HSF2BP: variants seen among roughly 807,000 people sequenced by gnomAD.
HSF2BP encodes heat shock factor 2-binding protein.
HSF2BP carries 35 observed loss-of-function variants against 35.0 expected under a neutral mutation model. The observed-to-expected ratio is 1.00, with a 90% CI of 0.76 to 1.32. The LOEUF is 1.32. HSF2BP is among the 40% of genes most tolerant of loss of function. HSF2BP has a pLI of 0.00. For missense variants in HSF2BP, 326 were observed against 321.7 expected, an observed-to-expected ratio of 1.01 and a Z score of -0.10; for synonymous variants, 114 against 117.4, an observed-to-expected ratio of 0.97 and a Z score of 0.18.
chr21:43,616,342 C>A (rs1339221132), intron 6 of HSF2BP, among the ~76,000 whole-genome samples: 1 of 152,184 alleles, frequency 6.6e-6, no homozygotes, highest in East Asian at 1.9e-4. Context: ...GAAGAGACCA[C>A]ACAGAAATAG....
chr21:43,573,603 G>A (rs1193633550), intron 8 of HSF2BP, among the ~76,000 whole-genome samples: 2 of 152,204 alleles, frequency 1.3e-5, no homozygotes, highest in Non-Finnish European at 2.9e-5. Flanking sequence ...TGCTTCCCCA[G>A]CTCTGGGTCA....
chr21:43,605,137 C>A (rs2082116546), intron 7 of HSF2BP, among the ~76,000 whole-genome samples: 1 of 151,070 alleles, frequency 6.6e-6, no homozygotes, highest in South Asian at 2.1e-4. Context: ...AGATACCACA[C>A]ACACATCAGA....
chr21:43,609,467 A>G (rs2082176184), intron 7 of HSF2BP, among the ~76,000 whole-genome samples: 1 of 150,828 alleles, frequency 6.6e-6, no homozygotes, highest in South Asian at 2.1e-4. Flanking sequence ...ATGGGCAACT[A>G]GGAAAAAAAT....
intron 8 of HSF2BP, among the ~76,000 whole-genome samples, chr21:43,572,632 C>T (rs75239543): frequency 0.029 from 4,481 of 152,330 alleles, 240 homozygotes; most frequent in African/African-American, 0.1. Context: ...ACTCAGGTGT[C>T]CGAGAGGACA....
chr21:43,633,279 A>G lies in HSF2BP; in HGVS notation c.434T>C (p.Leu145Ser). The G allele has an allele frequency of 6.2e-7, 1 of 1,612,028 alleles. No homozygotes were observed. The highest frequency in any genetic ancestry group is 8.5e-7 in the Non-Finnish European group (1 of 1,179,446). ...SSSEEVVKAI[L>S]GGDKALKFFS... is the part of the protein sequence containing the mutation. ...CCCACTGACCATACTTACTCCTCCC[A>G]AAATGGCCTTGACGACTTCCTCACT... Residue 145 changes from leucine (L) to serine (S), a missense_variant, in exon 5 of 9, where the codon TTG becomes TCG. Transcript: ENST00000291560.
chr21:43,592,146 T>C (rs1385528203), intron 8 of HSF2BP, 79 bp downstream of exon 8: 2 of 891,642 alleles, frequency 2.2e-6, no homozygotes, highest in Non-Finnish European at 3.7e-6. Context: ...CTAGGAAACT[T>C]GGAACGTATG....
chr21:43,612,611 A>C (rs2146915048), intron 7 of HSF2BP, among the ~76,000 whole-genome samples: 1 of 140,690 alleles, frequency 7.1e-6, no homozygotes, highest in East Asian at 2.1e-4. Flanking sequence ...AGATCACGCC[A>C]CTGCACTCCA....
In HSF2BP at chr21:43,658,317, T is replaced by C. The variant is rs1283256798; in HGVS notation, c.-221A>G. 8.5e-5 allele frequency: 48 copies of C among 561,528 alleles called. 1 individual carries two copies. The East Asian group carries it at 1.5e-3, about 18-fold the overall frequency. 34.8% of individuals were successfully genotyped at this position (561,528 alleles called of 1,614,324 possible). ...TGGCTTAGCCGGGGTTTTAAACTTGTTATCTGCAAAGCAGAAGGAAAGTCA... is the reference window on the plus strand; with the variant it reads ...TGGCTTAGCCGGGGTTTTAAACTTGCTATCTGCAAAGCAGAAGGAAAGTCA... On this transcript the variant is annotated 5_prime_UTR_variant, in exon 2 of 9. Coordinates refer to ENST00000291560, the MANE Select transcript of HSF2BP (RefSeq NM_007031.2).
intron 5 of HSF2BP, among the ~76,000 whole-genome samples, chr21:43,632,984 T>C (rs191223963): frequency 2.6e-5 from 4 of 152,278 alleles, no homozygotes; most frequent in African/African-American, 4.8e-5. Context: ...AGATAATATA[T>C]ATAAAAGCAC....
At chr21:43,602,640 C>G (rs1161943938) in intron 7 of HSF2BP, among the ~76,000 whole-genome samples, 1 of 152,216 alleles carries the variant, frequency 6.6e-6, no homozygotes, top group African/African-American at 2.4e-5. Flanking sequence ...AACCCTCTAC[C>G]CTGTGCCTGG....
intron 4 of HSF2BP, among the ~76,000 whole-genome samples, chr21:43,640,741 A>AT (rs1209678837): frequency 6.6e-6 from 1 of 152,184 alleles, no homozygotes; most frequent in African/African-American, 2.4e-5. Context: ...TAGTGAATCT[A>AT]TAAGTAAACA....
At chr21:43,605,054 C>T (rs1453762652) in intron 7 of HSF2BP, among the ~76,000 whole-genome samples, 1 of 149,060 alleles carries the variant, frequency 6.7e-6, no homozygotes, top group East Asian at 2.0e-4. Flanking sequence ...ACACACACAC[C>T]AGACACCACA....
chr21:43,604,275 TCACA>T (rs1474516944), intron 7 of HSF2BP, among the ~76,000 whole-genome samples: 2 of 95,700 alleles, frequency 2.1e-5, no homozygotes, highest in Non-Finnish European at 4.2e-5. Context: ...CACACACCAC[TCACA>T]CACATCACAC....
chr21:43,647,954 T>TAAAAAAAAAAAAAAAAAAAAAAAA (rs796624750), intron 3 of HSF2BP, among the ~76,000 whole-genome samples: 1 of 146,466 alleles, frequency 6.8e-6, no homozygotes. Flanking sequence ...AAAAAAAAAC[T>TAAAAAAAAAAAAAAAAAAAAAAAA]AAAATCAATC....
chr21:43,617,501 C>A (rs932294409), intron 6 of HSF2BP, among the ~76,000 whole-genome samples: 1 of 149,388 alleles, frequency 6.7e-6, no homozygotes, highest in Admixed American at 6.7e-5. Context: ...ATCTAGAATG[C>A]CTGTGAGTCA....
At chr21:43,657,172 AC>A (rs1184803284) in intron 2 of HSF2BP, among the ~76,000 whole-genome samples, 1 of 152,192 alleles carries the variant, frequency 6.6e-6, no homozygotes, top group Non-Finnish European at 1.5e-5. Flanking sequence ...GGAGTTCAAG[AC>A]CAGCCTGACC....
At chr21:43,584,152 CGAGGGAGATGAAGGGCCTGCT>C (rs1568887187) in intron 8 of HSF2BP, among the ~76,000 whole-genome samples, 2 of 113,480 alleles carry the variant, frequency 1.8e-5, no homozygotes, top group Non-Finnish European at 3.7e-5. Flanking sequence ...AAGGGCCTGC[CGAGGGAGATGAAGGGCCTGCT>C]GAGGGAGATG....
At chr21:43,600,907 C>T (rs2082043998) in intron 7 of HSF2BP, among the ~76,000 whole-genome samples, 1 of 152,194 alleles carries the variant, frequency 6.6e-6, no homozygotes, top group Admixed American at 6.5e-5. Context: ...CTTTGCACGT[C>T]TGCATCAACA....
intron 3 of HSF2BP, among the ~76,000 whole-genome samples, chr21:43,653,863 G>A (rs1197377196): frequency 2.6e-5 from 4 of 152,022 alleles, no homozygotes; most frequent in African/African-American, 9.7e-5. Context: ...ACTTACTAGC[G>A]GACAGGTTTC....
Sources: gnomAD v4.1 joint callset for allele counts (sites outside exome capture counted in the v4.1 genomes callset) on GRCh38, gnomAD v4.1.1 for gene constraint, MANE v1.5 for transcripts, NCBI Gene and HGNC (gene_info 2026-07-23, HGNC 2026-07-21) for gene names.